The following TJP2 variants were observed in gnomAD, a reference collection of about 807,000 sequenced individuals.
TJP2 encodes the protein Friedreich ataxia region gene X104 (tight junction protein ZO-2).
In TJP2, 91 loss-of-function variants were observed where a neutral mutation model predicts 133.1. That is an observed-to-expected ratio of 0.68 (90% CI 0.58 to 0.81). TJP2 has a LOEUF of 0.81. Among genes scored for constraint, TJP2 ranks in the 40% least tolerant of loss-of-function variants. TJP2 has a pLI of 0.00. For missense variants in TJP2, 1,541 were observed against 1,565.6 expected, an observed-to-expected ratio of 0.98 and a Z score of 0.26; for synonymous variants, 592 against 583.4, an observed-to-expected ratio of 1.01 and a Z score of -0.21.
rs754878810 is a variant in TJP2, at chr9:69,236,214, A to G, written c.1967A>G (p.Lys656Arg). The change falls in exon 13 of 23, where the codon AAA becomes AGA. Residue 656 changes from lysine to arginine, a missense_variant. Transcript: ENST00000377245. ...LAVRIGNELEKGLIPNKSRAE... is the reference protein window; with the variant it reads ...LAVRIGNELERGLIPNKSRAE... Reference sequence around the variant, plus strand: ...GTGAGGATTGGGAACGAGTTGGAGAAAGGCTTAATCCCCAACAAGAGCAGG... The same window carrying G: ...GTGAGGATTGGGAACGAGTTGGAGAGAGGCTTAATCCCCAACAAGAGCAGG... 5.0e-6 allele frequency: 8 copies of G among 1,614,112 alleles called. No individual in the cohort carries two copies. The highest frequency in any genetic ancestry group is 6.8e-6 in the Non-Finnish European group (8 of 1,180,038).
At chr9:69,138,874 A>T (rs1001878221) in intron 1 of TJP2, among the ~76,000 whole-genome samples, 1 of 151,418 alleles carries the variant, frequency 6.6e-6, no homozygotes, top group Non-Finnish European at 1.5e-5. Context: ...CTGAGATCGC[A>T]CCACTGCACT....
rs12338254 is a variant in TJP2 at position 69,136,933 on chromosome 9, G to A, written c.-130-14718G>A. 9.6e-3 allele frequency among the ~76,000 whole-genome samples: 1,467 copies of A among 152,282 alleles called. 31 individuals carry two copies. Among genetic ancestry groups the A allele is most frequent in the African/African-American group, 0.032 (1,345 of 41,548 alleles). ...GGGGGTGTGGGACCCTCCTGTCTCC[G>A]AGGAAGCAGCACCACTGCTCAGGGC... On this transcript the variant is annotated intron_variant, in intron 1 of 5. Coordinates refer to the TJP2 transcript ENST00000423935.
intron 1 of TJP2, among the ~76,000 whole-genome samples, chr9:69,187,761 GC>G (rs779108185): frequency 6.6e-6 from 1 of 152,158 alleles, no homozygotes; most frequent in Non-Finnish European, 1.5e-5. Flanking sequence ...TGAGAGCAGG[GC>G]TGGTTCTTTG....
chr9:69,169,314 C>T (rs1824541607), upstream of TJP2, among the ~76,000 whole-genome samples: 1 of 150,060 alleles, frequency 6.7e-6, no homozygotes, highest in Non-Finnish European at 1.5e-5. Flanking sequence ...TTACAGTGTA[C>T]ACGTTAACTA....
chr9:69,151,428 C>T (rs1303718658), intron 1 of TJP2, among the ~76,000 whole-genome samples: 5 of 148,460 alleles, frequency 3.4e-5, no homozygotes, highest in East Asian at 2.0e-4. Flanking sequence ...TGCGGTGAGC[C>T]GATATCACAC....
intron 2 of TJP2, among the ~76,000 whole-genome samples, chr9:69,160,315 T>C (rs1037930995): frequency 1.3e-5 from 2 of 152,188 alleles, no homozygotes; most frequent in African/African-American, 4.8e-5. Context: ...ACTTTGGAGG[T>C]AGGAAAAGCT....
chr9:69,150,042 T>C (rs2133333433), intron 1 of TJP2, among the ~76,000 whole-genome samples: 1 of 151,932 alleles, frequency 6.6e-6, no homozygotes, highest in South Asian at 2.1e-4. Flanking sequence ...CCCAGCTACC[T>C]GAGAGGCTGA....
At chr9:69,196,298 A>G (rs1458529472) in intron 1 of TJP2, among the ~76,000 whole-genome samples, 1 of 152,216 alleles carries the variant, frequency 6.6e-6, no homozygotes, top group Non-Finnish European at 1.5e-5. Flanking sequence ...TATGACCTCA[A>G]TCAACTTACT....
rs138089211 is a variant in TJP2, at chr9:69,209,775, T to A, written c.61-2773T>A. On this transcript the variant is annotated intron_variant, in intron 1 of 22. Coordinates refer to ENST00000377245, the MANE Select transcript of TJP2 (RefSeq NM_004817.4). ...TCAAAAAAAAAAAACAAAAAAACTT[T>A]TTAACAAATATGTACAACTTCATTA... 2.8e-3 allele frequency among the ~76,000 whole-genome samples: 433 copies of A among 152,146 alleles called. 2 individuals carry two copies. Among genetic ancestry groups the A allele is most frequent in the African/African-American group, 9.7e-3 (404 of 41,530 alleles).
At chr9:69,174,491 C>A in intron 1 of TJP2, 59 bp downstream of exon 1, 2 of 1,005,172 alleles carry the variant, frequency 2.0e-6, no homozygotes, top group Non-Finnish European at 2.9e-6. Flanking sequence ...AGCGTGGGAG[C>A]GCTGGGGGCT....
intron 10 of TJP2, among the ~76,000 whole-genome samples, chr9:69,229,562 T>C (rs1829612301): frequency 6.6e-6 from 1 of 152,218 alleles, no homozygotes; most frequent in South Asian, 2.1e-4. Context: ...AAGTATTTAT[T>C]GCTAAACTAC....
intron 7 of TJP2, among the ~76,000 whole-genome samples, 179 bp from the exon 8 acceptor site, chr9:69,227,586 C>T (rs540937454): frequency 6.6e-6 from 1 of 152,084 alleles, no homozygotes. Context: ...TTAATTAATG[C>T]CTTTCCCTTA....
intron 17 of TJP2, among the ~76,000 whole-genome samples, chr9:69,245,336 T>C (rs1830846705): frequency 6.6e-6 from 1 of 152,236 alleles, no homozygotes; most frequent in African/African-American, 2.4e-5. Context: ...ATGGTTCTTT[T>C]TGGCTTTAGA....
At position 69,145,539 on chromosome 9, in the gene TJP2, T is replaced by C. The variant is rs557706582; in HGVS notation, c.-130-6112T>C. On this transcript the variant is annotated intron_variant, in intron 1 of 5. Transcript: ENST00000423935. ...GCAGGGAAATCTGAAAGACGTTCTCTTTATTTGTGGTCTGCCCCCCCATCA... is the reference window on the plus strand; with the variant it reads ...GCAGGGAAATCTGAAAGACGTTCTCCTTATTTGTGGTCTGCCCCCCCATCA... 7 of 395,156 alleles carry C rather than the reference T, an allele frequency of 1.8e-5. No individual in the cohort carries two copies. The East Asian group carries it at 2.6e-4, about 14-fold the overall frequency. 24.5% of individuals were successfully genotyped at this position (395,156 alleles called of 1,614,324 possible). A position where few individuals can be genotyped will look rare whatever the true frequency, so the allele number is the denominator to read the frequency against.
chr9:69,158,489 C>T (rs749409067), intron 2 of TJP2, among the ~76,000 whole-genome samples: 20 of 152,204 alleles, frequency 1.3e-4, no homozygotes, highest in Admixed American at 2.6e-4. Flanking sequence ...AACTTAGAGG[C>T]CCAGTAAGTG....
At chr9:69,227,323 AC>A (rs1168082125) in intron 7 of TJP2, among the ~76,000 whole-genome samples, 2 of 152,094 alleles carry the variant, frequency 1.3e-5, no homozygotes, top group Non-Finnish European at 2.9e-5. Context: ...CCAACCCCTG[AC>A]CCCAATAGCA....
chr9:69,202,833 A>G (rs1021825402), intron 1 of TJP2, among the ~76,000 whole-genome samples: 4 of 152,142 alleles, frequency 2.6e-5, no homozygotes, highest in Non-Finnish European at 4.4e-5. Flanking sequence ...AAACCCATGG[A>G]TAAGTGGACC....
intron 2 of TJP2, among the ~76,000 whole-genome samples, chr9:69,163,770 G>A (rs1465706960): frequency 6.6e-6 from 1 of 152,128 alleles, no homozygotes; most frequent in Non-Finnish European, 1.5e-5. Flanking sequence ...GAGCTGCCAT[G>A]CCCAGCTGCA....
intron 1 of TJP2, chr9:69,122,025 G>C (rs979606634): frequency 3.3e-5 from 5 of 152,310 alleles, no homozygotes; most frequent in Admixed American, 6.5e-5. Context: ...ATCGCCCCCG[G>C]GGCGGCAGCG....
Sources: allele counts gnomAD v4.1 joint callset (sites outside exome capture counted in the v4.1 genomes callset), GRCh38; gene constraint gnomAD v4.1.1; transcripts MANE v1.5; gene names NCBI Gene and HGNC (gene_info 2026-07-23, HGNC 2026-07-21).